The following ADAMTS12 variants were observed in gnomAD, a reference collection of about 807,000 sequenced individuals.
The protein encoded by ADAMTS12 is A disintegrin and metalloproteinase with thrombospondin motifs 12.
In ADAMTS12, 118 loss-of-function variants were observed where a neutral mutation model predicts 167.8. The observed-to-expected ratio is 0.70, with a 90% CI of 0.61 to 0.82. The LOEUF (loss-of-function observed/expected upper bound fraction) is 0.82, where lower values mean the gene tolerates loss of function less well. Among genes scored for constraint, ADAMTS12 ranks in the 40% least tolerant of loss-of-function variants. ADAMTS12 has a pLI of 0.00. For missense variants in ADAMTS12, 1,916 were observed against 1,998.8 expected (o/e 0.96, Z 0.79); for synonymous variants, 704 against 716.9 (o/e 0.98, Z 0.29).
In ADAMTS12 at chr5:33,576,917, C is replaced by T. The variant is rs535499136; in HGVS notation, c.3109G>A (p.Gly1037Arg). ...GTGCTTGTGCTCATAGACTCAGGCC[C>T]TGTGGGTGTGGTCAGCATTCTGGGC... ...SRPRMLTTPT[G>R]PESMSTSTPA... is the part of the protein sequence containing the mutation. The change falls in exon 19 of 24, where the codon GGG becomes AGG. Residue 1037 changes from glycine (G) to arginine (R), a missense_variant. Transcript: ENST00000504830. The T allele has an allele frequency of 9.3e-6, 15 of 1,614,122 alleles. No individual in the cohort carries two copies. Among genetic ancestry groups the T allele is most frequent in the African/African-American group, 1.3e-5 (1 of 75,064 alleles).
intron 2 of ADAMTS12, among the ~76,000 whole-genome samples, chr5:33,828,574 T>C (rs1206793639): frequency 1.3e-5 from 2 of 152,206 alleles, no homozygotes; most frequent in Non-Finnish European, 2.9e-5. Flanking sequence ...ACTAAAATAT[T>C]ATCCTACATT....
chr5:33,590,879 G>GAA (rs1747598125), intron 17 of ADAMTS12, among the ~76,000 whole-genome samples: 1 of 148,296 alleles, frequency 6.7e-6, no homozygotes, highest in South Asian at 2.1e-4. Flanking sequence ...AGATTAAAGT[G>GAA]AAAACCATCT....
At chr5:33,684,520 A>T (rs986524945) in intron 3 of ADAMTS12, among the ~76,000 whole-genome samples, 2 of 152,234 alleles carry the variant, frequency 1.3e-5, no homozygotes, top group Non-Finnish European at 2.9e-5. Context: ...AGAGTTGTGC[A>T]GCCCATCAGT....
At position 33,526,114 on chromosome 5, in the gene ADAMTS12, T is replaced by C. The variant is rs1417346790; in HGVS notation, c.*1074A>G. On this transcript the variant is annotated 3_prime_UTR_variant, in exon 24 of 24. Transcript: ENST00000504830. ...AATGTTTTTTCTCTAGATTAGAAGTTTGCACTATGTTCTTGTACTTAGTAC... is the reference window on the plus strand; with the variant it reads ...AATGTTTTTTCTCTAGATTAGAAGTCTGCACTATGTTCTTGTACTTAGTAC... 6.6e-6 allele frequency: 1 copy of C among 152,240 alleles called. No homozygotes were observed. Among genetic ancestry groups the C allele is most frequent in the Non-Finnish European group, 1.5e-5 (1 of 68,034 alleles). 9.4% of individuals were successfully genotyped at this position (152,240 alleles called of 1,614,324 possible). A position where few individuals can be genotyped will look rare whatever the true frequency, so the allele number is the denominator to read the frequency against.
intron 2 of ADAMTS12, among the ~76,000 whole-genome samples, chr5:33,868,581 T>G (rs1462179743): frequency 6.6e-6 from 1 of 152,114 alleles, no homozygotes; most frequent in East Asian, 1.9e-4. Flanking sequence ...GAGTATCTGG[T>G]GGAATAAATT....
At chr5:33,880,678 T>C (rs1750398516) in intron 2 of ADAMTS12, among the ~76,000 whole-genome samples, 1 of 152,240 alleles carries the variant, frequency 6.6e-6, no homozygotes. Flanking sequence ...TGAAGTCTGA[T>C]TACGAAGCAC....
chr5:33,777,907 T>A (rs909303917), intron 2 of ADAMTS12, among the ~76,000 whole-genome samples: 1 of 151,914 alleles, frequency 6.6e-6, no homozygotes, highest in South Asian at 2.1e-4. Flanking sequence ...AAGAAATTTT[T>A]AAAAAATCAC....
chr5:33,853,659 C>T (rs1749297657), intron 2 of ADAMTS12, among the ~76,000 whole-genome samples: 1 of 152,214 alleles, frequency 6.6e-6, no homozygotes, highest in Admixed American at 6.5e-5. Context: ...AGCATCATTC[C>T]CTGCTACTGT....
At chr5:33,729,575 T>TAAC (rs957418905) in intron 3 of ADAMTS12, among the ~76,000 whole-genome samples, 1 of 152,238 alleles carries the variant, frequency 6.6e-6, no homozygotes, top group Non-Finnish European at 1.5e-5. Flanking sequence ...TAATTTGCTT[T>TAAC]AACAACACAT....
intron 3 of ADAMTS12, among the ~76,000 whole-genome samples, chr5:33,725,074 C>T (rs1743934053): frequency 1.3e-5 from 2 of 152,180 alleles, no homozygotes; most frequent in Non-Finnish European, 2.9e-5. Context: ...CAAGTTCTCC[C>T]TGACTGCAGC....
At chr5:33,592,419 T>C (rs1747690761) in intron 17 of ADAMTS12, among the ~76,000 whole-genome samples, 1 of 152,202 alleles carries the variant, frequency 6.6e-6, no homozygotes, top group East Asian at 1.9e-4. Context: ...CAGAGGTTTA[T>C]TGAGTACTTT....
At chr5:33,580,267 G>A (rs1461567000) in intron 18 of ADAMTS12, among the ~76,000 whole-genome samples, 1 of 151,560 alleles carries the variant, frequency 6.6e-6, no homozygotes, top group Non-Finnish European at 1.5e-5. Flanking sequence ...TTCTGCATGG[G>A]TGGGGAGGCC....
At chr5:33,844,628 G>A (rs1748873563) in intron 2 of ADAMTS12, among the ~76,000 whole-genome samples, 1 of 152,174 alleles carries the variant, frequency 6.6e-6, no homozygotes, top group South Asian at 2.1e-4. Flanking sequence ...AACTTCATTA[G>A]CAATTTTAAT....
At chr5:33,559,024 C>T (rs1334443847) in intron 20 of ADAMTS12, among the ~76,000 whole-genome samples, 1 of 152,104 alleles carries the variant, frequency 6.6e-6, no homozygotes, top group African/African-American at 2.4e-5. Flanking sequence ...TCCGAAAGAC[C>T]GACCATCAGA....
intron 2 of ADAMTS12, among the ~76,000 whole-genome samples, chr5:33,781,784 G>C (rs996707633): frequency 1.3e-5 from 2 of 151,896 alleles, no homozygotes; most frequent in African/African-American, 2.4e-5. Context: ...CCATGCTGGT[G>C]TGCTGCACCC....
chr5:33,889,105 A>G (rs981393425), intron 1 of ADAMTS12, among the ~76,000 whole-genome samples: 7 of 152,148 alleles, frequency 4.6e-5, no homozygotes, highest in African/African-American at 1.4e-4. Flanking sequence ...GTGCTCAATC[A>G]TATATGTTGA....
chr5:33,667,317 C>CGA (rs1741509536), intron 5 of ADAMTS12, among the ~76,000 whole-genome samples: 1 of 78,390 alleles, frequency 1.3e-5, no homozygotes, highest in African/African-American at 5.0e-5. Flanking sequence ...GACTCTGTCT[C>CGA]AAAAAAAAAA....
At chr5:33,838,080 G>A (rs1361748983) in intron 2 of ADAMTS12, among the ~76,000 whole-genome samples, 1 of 152,138 alleles carries the variant, frequency 6.6e-6, no homozygotes, top group Admixed American at 6.5e-5. Flanking sequence ...CATCCCCACA[G>A]AAAGGATTAT....
intron 5 of ADAMTS12, among the ~76,000 whole-genome samples, chr5:33,664,992 A>C (rs1209823947): frequency 6.6e-6 from 1 of 152,130 alleles, no homozygotes; most frequent in Admixed American, 6.5e-5. Context: ...AACATAAAAA[A>C]CTGGCCAGGT....
Sources: gnomAD v4.1 joint callset for allele counts (sites outside exome capture counted in the v4.1 genomes callset) on GRCh38, gnomAD v4.1.1 for gene constraint, MANE v1.5 for transcripts, NCBI Gene and HGNC (gene_info 2026-07-23, HGNC 2026-07-21) for gene names.